PHACTR2: variants seen among roughly 807,000 people sequenced by gnomAD.
The protein encoded by PHACTR2 is phosphatase and actin regulator 2.
PHACTR2 carries 30 observed loss-of-function variants against 76.0 expected under a neutral mutation model. That is an observed-to-expected ratio of 0.39 (90% CI 0.30 to 0.54). The LOEUF (loss-of-function observed/expected upper bound fraction) is 0.54. Ranked by LOEUF, PHACTR2 falls within the 20% of genes least tolerant of loss-of-function variation. The pLI, the probability that PHACTR2 is intolerant of heterozygous loss-of-function variation, is 0.61. For missense variants in PHACTR2, 696 were observed against 781.1 expected, an observed-to-expected ratio of 0.89 and a Z score of 1.30; for synonymous variants, 292 against 292.5, an observed-to-expected ratio of 1.00 and a Z score of 0.02.
intron 2 of PHACTR2, among the ~76,000 whole-genome samples, chr6:143,717,569 CTT>C (rs11349813): frequency 1.0e-4 from 15 of 143,092 alleles, no homozygotes; most frequent in South Asian, 2.2e-4. Flanking sequence ...TGCTTTAGGA[CTT>C]TTTTTTTTTT....
chr6:143,606,203 A>G (rs544665176), upstream of PHACTR2, among the ~76,000 whole-genome samples: 45 of 152,368 alleles, frequency 3.0e-4, no homozygotes, highest in African/African-American at 9.9e-4. Flanking sequence ...AAGATTTTTA[A>G]TAGCGTCACG....
In PHACTR2 at chr6:143,592,261, A is replaced by G. The variant is rs1230762846; in HGVS notation, c.217+55054A>G. ...GGGCTTCCATTTGTGTACTTGCCCC[A>G]GTCCCTACAAATGTAATGGGCAGGC... On this transcript the variant is annotated intron_variant, in intron 1 of 11. Transcript: ENST00000367584. This position sits in a 1 kb window ranked among gnomAD's most constrained non-coding sequence, Gnocchi z 4.0. Among the ~76,000 whole-genome samples the G allele has an allele frequency of 6.6e-6, 1 of 152,244 alleles. No individual in the cohort carries two copies. The highest frequency in any genetic ancestry group is 1.5e-5 in the Non-Finnish European group (1 of 68,036).
chr6:143,545,905 C>G (rs149897953), intron 1 of PHACTR2, among the ~76,000 whole-genome samples: 1 of 152,306 alleles, frequency 6.6e-6, no homozygotes, highest in East Asian at 1.9e-4. Context: ...GCATAAAGAA[C>G]AAATTTGACT....
Position 143,663,220 on chromosome 6 carries a change from A to G in PHACTR2, c.14-48796A>G, listed in dbSNP as rs182856759. 6.6e-6 allele frequency among the ~76,000 whole-genome samples: 1 copy of G among 152,260 alleles called. No homozygotes were observed. Among genetic ancestry groups the G allele is most frequent in the Admixed American group, 6.5e-5 (1 of 15,290 alleles). On this transcript the variant is annotated intron_variant, in intron 1 of 11. Transcript: ENST00000305766. This position sits in a 1 kb window ranked among gnomAD's most constrained non-coding sequence, Gnocchi z 4.1. ...TATAGTGATCTATTTCCCTTTGAGT[A>G]TATACCCAGTAATGATATTTTTGGG...
At position 143,801,745 on chromosome 6, in the gene PHACTR2, C is replaced by T. The variant is rs551481418; in HGVS notation, c.1846-5312C>T. On this transcript the variant is annotated intron_variant, in intron 11 of 12. Coordinates refer to ENST00000440869, the MANE Select transcript of PHACTR2 (RefSeq NM_001100164.2). This position sits in a 1 kb window ranked among gnomAD's most constrained non-coding sequence, Gnocchi z 4.6. ...CCGTCCAGTTTTGTTCCCTTGCTGG[C>T]GAGGAGTTGTGATCCTTTGGAGGAG... 8.5e-5 allele frequency among the ~76,000 whole-genome samples: 13 copies of T among 152,214 alleles called. No individual in the cohort carries two copies. The highest frequency in any genetic ancestry group is 8.3e-4 in the South Asian group (4 of 4,822).
In PHACTR2 at chr6:143,648,912, C is replaced by A; in HGVS notation, c.13+40590C>A. 6.7e-6 allele frequency among the ~76,000 whole-genome samples: 1 copy of A among 148,304 alleles called. No individual in the cohort carries two copies. The highest frequency in any genetic ancestry group is 1.5e-5 in the Non-Finnish European group (1 of 66,920). Reference sequence around the variant, plus strand: ...TGTTTGTGTGTGTGTGTGTGTCTGTCTGGGTCTATGTGTATGTCTATGTCT... The same window carrying A: ...TGTTTGTGTGTGTGTGTGTGTCTGTATGGGTCTATGTGTATGTCTATGTCT... On this transcript the variant is annotated intron_variant, in intron 1 of 11. Transcript: ENST00000305766. The surrounding 1 kb of genome is among the most constrained non-coding windows in gnomAD (Gnocchi z 6.7).
intron 1 of PHACTR2, among the ~76,000 whole-genome samples, chr6:143,703,176 A>G (rs991199911): frequency 6.6e-6 from 1 of 150,892 alleles, no homozygotes; most frequent in Non-Finnish European, 1.5e-5. Flanking sequence ...AAAAAAAAAA[A>G]AGAACAGGTA....
In PHACTR2 at chr6:143,639,153, A is replaced by G. The variant is rs1032129563; in HGVS notation, c.13+30831A>G. Among the ~76,000 whole-genome samples, 1 of 152,206 alleles carries G rather than the reference A, an allele frequency of 6.6e-6. No homozygotes were observed. Among genetic ancestry groups the G allele is most frequent in the Non-Finnish European group, 1.5e-5 (1 of 68,028 alleles). On this transcript the variant is annotated intron_variant, in intron 1 of 11. Coordinates refer to the PHACTR2 transcript ENST00000305766. The surrounding 1 kb of genome is among the most constrained non-coding windows in gnomAD (Gnocchi z 5.0). ...CCAATATTCTTCTGAATTATTTTTGAATCATTACATCTTTCTGCTTTCATG... is the reference window on the plus strand; with the variant it reads ...CCAATATTCTTCTGAATTATTTTTGGATCATTACATCTTTCTGCTTTCATG...
intron 1 of PHACTR2, among the ~76,000 whole-genome samples, chr6:143,588,400 C>T (rs1233859878): frequency 6.6e-6 from 1 of 151,866 alleles, no homozygotes; most frequent in African/African-American, 2.4e-5. Context: ...TTTACGGAAG[C>T]CCAACTGATC....
intron 12 of PHACTR2, among the ~76,000 whole-genome samples, chr6:143,813,223 T>C (rs1776216749): frequency 6.6e-6 from 1 of 152,220 alleles, no homozygotes; most frequent in Admixed American, 6.5e-5. Context: ...AATCATTGAA[T>C]TGAGGCTCTT....
At position 143,751,108 on chromosome 6, in the gene PHACTR2, G is replaced by T. The variant is rs775614907; in HGVS notation, c.295+2043G>T. On this transcript the variant is annotated intron_variant, in intron 3 of 12. Coordinates refer to ENST00000440869, the MANE Select transcript of PHACTR2 (RefSeq NM_001100164.2). The surrounding 1 kb of genome is among the most constrained non-coding windows in gnomAD (Gnocchi z 5.7). Reference sequence around the variant, plus strand: ...GGTAACAACCTCCTTTCTGCTGCCAGTGAAGATTCATTGTTTGCCTTGATC... The same window carrying T: ...GGTAACAACCTCCTTTCTGCTGCCATTGAAGATTCATTGTTTGCCTTGATC... 4.6e-5 allele frequency among the ~76,000 whole-genome samples: 7 copies of T among 152,198 alleles called. No individual in the cohort carries two copies. Among genetic ancestry groups the T allele is most frequent in the Non-Finnish European group, 1.5e-5 (1 of 68,036 alleles).
At chr6:143,607,097 G>A (rs1248363002), upstream of PHACTR2, among the ~76,000 whole-genome samples, 1 of 152,148 alleles carries the variant, frequency 6.6e-6, no homozygotes, top group Non-Finnish European at 1.5e-5. Flanking sequence ...GAATTCCAAT[G>A]GCATAAAGAA....
rs1344172480 is a variant in PHACTR2, at chr6:143,794,593, A to G, written c.1845+5683A>G. On this transcript the variant is annotated intron_variant, in intron 11 of 12. Coordinates refer to ENST00000440869, the MANE Select transcript of PHACTR2 (RefSeq NM_001100164.2). The surrounding 1 kb of genome is among the most constrained non-coding windows in gnomAD (Gnocchi z 4.1). ...TGGATCACTTGAGGTCAGGAGTTCA[A>G]GACCAGCCTGGCCAACATGGTGAAA... is the stretch of plus-strand genomic sequence containing the variant. 1.3e-5 allele frequency among the ~76,000 whole-genome samples: 2 copies of G among 152,140 alleles called. No individual in the cohort carries two copies. The highest frequency in any genetic ancestry group is 2.9e-5 in the Non-Finnish European group (2 of 68,038).
intron 1 of PHACTR2, among the ~76,000 whole-genome samples, chr6:143,582,649 A>T (rs1415063373): frequency 6.6e-6 from 1 of 152,180 alleles, no homozygotes; most frequent in Non-Finnish European, 1.5e-5. Context: ...TAGAAATTAC[A>T]GGGTATTATT....
At chr6:143,810,384 T>C (rs1305151368) in intron 12 of PHACTR2, among the ~76,000 whole-genome samples, 2 of 152,202 alleles carry the variant, frequency 1.3e-5, no homozygotes, top group East Asian at 1.9e-4. Flanking sequence ...ACTATTCCAT[T>C]ATCCTCCAAA....
rs1775438985 is a variant in PHACTR2 at position 143,570,890 on chromosome 6, C to T, written c.217+33683C>T. Among the ~76,000 whole-genome samples the T allele has an allele frequency of 6.6e-6, 1 of 152,134 alleles. No homozygotes were observed. Among genetic ancestry groups the T allele is most frequent in the Non-Finnish European group, 1.5e-5 (1 of 68,020 alleles). On this transcript the variant is annotated intron_variant, in intron 1 of 11. Coordinates refer to the PHACTR2 transcript ENST00000367584. This position sits in a 1 kb window ranked among gnomAD's most constrained non-coding sequence, Gnocchi z 4.6. ...AGGCTGAAGACAATTGCCCTGATTC[C>T]CTAACCTAAGGGATGGCTCTGCAAG...
In PHACTR2 at chr6:143,777,188, A is replaced by G; in HGVS notation, c.1590-140A>G. 1 of 547,704 alleles carries G rather than the reference A, an allele frequency of 1.8e-6. No homozygotes were observed. Among genetic ancestry groups the G allele is most frequent in the South Asian group, 2.5e-5 (1 of 40,630 alleles). The allele number at this position is 547,704 out of a possible 1,614,324, so 33.9% of individuals were successfully genotyped here. On this transcript the variant is annotated intron_variant, in intron 8 of 12. Transcript: ENST00000440869. This position sits in a 1 kb window ranked among gnomAD's most constrained non-coding sequence, Gnocchi z 4.6. ...GATCTGTAGTCTCCAAACTAATGGG[A>G]AGGAGACTTTTATTTTGCAGCTTTA...
intron 2 of PHACTR2, among the ~76,000 whole-genome samples, chr6:143,745,062 A>T (rs1157193623): frequency 6.6e-6 from 1 of 152,226 alleles, no homozygotes; most frequent in East Asian, 1.9e-4. Context: ...TACTGTATTC[A>T]GCTACGACAT....
intron 1 of PHACTR2, among the ~76,000 whole-genome samples, chr6:143,667,504 T>C (rs946223786): frequency 3.3e-5 from 5 of 152,232 alleles, no homozygotes; most frequent in Non-Finnish European, 7.3e-5. Flanking sequence ...TTCCTATCCG[T>C]GAGCATGGAA....
Sources: allele counts gnomAD v4.1 joint callset (sites outside exome capture counted in the v4.1 genomes callset), GRCh38; gene constraint gnomAD v4.1.1; non-coding constraint Gnocchi (gnomAD v3.1); transcripts MANE v1.5; gene names NCBI Gene and HGNC (gene_info 2026-07-23, HGNC 2026-07-21).